The following TRUB1 variants were observed in gnomAD, a reference collection of about 807,000 sequenced individuals.
TRUB1 encodes TruB pseudouridine synthase family member 1, also known as pseudouridylate synthase TRUB1.
In TRUB1, 23 loss-of-function variants were observed where a neutral mutation model predicts 33.9. The ratio of observed to expected loss-of-function variants is 0.68; its 90% CI spans 0.49 to 0.96. The LOEUF (loss-of-function observed/expected upper bound fraction) is 0.96, where lower values mean the gene tolerates loss of function less well. TRUB1 is among the 40% of genes least tolerant of loss of function. The probability of loss-of-function intolerance (pLI) is 0.00; values close to 1 mark genes in which losing one functional copy is unlikely to be tolerated. For synonymous variants in TRUB1, 163 were observed against 165.4 expected (o/e 0.99, Z 0.11); for missense variants, 378 against 422.2 (o/e 0.90, Z 0.92).
At chr10:114,940,320 C>T (rs2084180723) in intron 1 of TRUB1, among the ~76,000 whole-genome samples, 1 of 152,026 alleles carries the variant, frequency 6.6e-6, no homozygotes, top group African/African-American at 2.4e-5. Flanking sequence ...GGGGTTTCTC[C>T]ATGTTGGTCA....
chr10:114,970,501 C>A, intron 5 of TRUB1, 61 bp downstream of exon 5: 1 of 1,257,378 alleles, frequency 8.0e-7, no homozygotes, highest in Non-Finnish European at 1.2e-6. Context: ...GTTAACATCA[C>A]TCTAGTTAAA....
chr10:114,956,368 A>C (rs982116325), intron 3 of TRUB1, among the ~76,000 whole-genome samples: 1 of 152,198 alleles, frequency 6.6e-6, no homozygotes, highest in African/African-American at 2.4e-5. Context: ...AGTGAAAAGA[A>C]ATATTTTAGA....
chr10:114,956,071 T>C (rs1188312064), intron 3 of TRUB1, among the ~76,000 whole-genome samples: 1 of 152,226 alleles, frequency 6.6e-6, no homozygotes, highest in Non-Finnish European at 1.5e-5. Flanking sequence ...AACATTTTTC[T>C]TTCTCCTAAA....
intron 5 of TRUB1, among the ~76,000 whole-genome samples, chr10:114,971,346 CTT>C (rs929309664): frequency 6.6e-6 from 1 of 151,948 alleles, no homozygotes; most frequent in African/African-American, 2.4e-5. Context: ...CAAATTGCCT[CTT>C]TTGAAAAAAA....
chr10:114,959,492 A>G (rs1489271391), intron 3 of TRUB1, among the ~76,000 whole-genome samples: 2 of 152,220 alleles, frequency 1.3e-5, no homozygotes, highest in African/African-American at 4.8e-5. Flanking sequence ...ATAATTATCA[A>G]TAAAATCAGG....
chr10:114,943,444 C>T (rs2084197971), intron 2 of TRUB1, among the ~76,000 whole-genome samples: 1 of 152,176 alleles, frequency 6.6e-6, no homozygotes, highest in South Asian at 2.1e-4. Flanking sequence ...GCAGAAGAAT[C>T]ACTTGAACCT....
rs17092618 is a variant in TRUB1 at position 114,938,201 on chromosome 10, G to C, written c.-53G>C. On this transcript the variant is annotated 5_prime_UTR_variant, in exon 1 of 8. Coordinates refer to ENST00000298746, the MANE Select transcript of TRUB1 (RefSeq NM_139169.5). ...AGAGGGTCCTGTCAGGCGCACTCTT[G>C]TTGCATCATCAGCGTGCACCTCCAC... is the stretch of plus-strand genomic sequence containing the variant. 98,197 of 1,592,708 alleles carry C rather than the reference G, an allele frequency of 0.062. 10,202 individuals carry two copies. The highest frequency in any genetic ancestry group is 0.48 in the African/African-American group (35,099 of 73,866).
intron 4 of TRUB1, among the ~76,000 whole-genome samples, chr10:114,968,795 T>C (rs932116037): frequency 2.0e-5 from 3 of 152,254 alleles, no homozygotes; most frequent in Non-Finnish European, 4.4e-5. Flanking sequence ...TATTAAAATC[T>C]GGACATAGTA....
intron 2 of TRUB1, among the ~76,000 whole-genome samples, chr10:114,949,035 T>C (rs967013104): frequency 9.9e-5 from 15 of 152,258 alleles, no homozygotes; most frequent in African/African-American, 3.4e-4. Context: ...TTTGCCCTGC[T>C]TTGGCAGCGG....
chr10:114,940,733 G>A (rs2084182847), intron 1 of TRUB1, among the ~76,000 whole-genome samples: 1 of 152,188 alleles, frequency 6.6e-6, no homozygotes, highest in African/African-American at 2.4e-5. Context: ...GTATATTTAT[G>A]GGGCCTTCTT....
intron 3 of TRUB1, among the ~76,000 whole-genome samples, chr10:114,955,780 G>GTATA (rs1441068065): frequency 3.3e-5 from 5 of 152,090 alleles, no homozygotes; most frequent in Admixed American, 1.3e-4. Flanking sequence ...AGTCCAGTTT[G>GTATA]TACCTTTTCT....
At chr10:114,955,823 A>G (rs2084259441) in intron 3 of TRUB1, among the ~76,000 whole-genome samples, 1 of 152,188 alleles carries the variant, frequency 6.6e-6, no homozygotes, top group African/African-American at 2.4e-5. Context: ...TATTTCATAA[A>G]TACTGTATTG....
intron 2 of TRUB1, among the ~76,000 whole-genome samples, chr10:114,947,812 T>A (rs896756071): frequency 2.0e-5 from 3 of 152,226 alleles, no homozygotes; most frequent in Non-Finnish European, 4.4e-5. Flanking sequence ...CAGAACTGAT[T>A]TTGTGAGAGA....
intron 3 of TRUB1, 43 bp downstream of exon 3, chr10:114,951,192 A>G (rs747345448): frequency 2.8e-5 from 41 of 1,472,982 alleles, no homozygotes; most frequent in Non-Finnish European, 3.6e-5. Flanking sequence ...AATGTTCTTA[A>G]TGATCTACAT....
chr10:114,939,408 T>C (rs764149267), intron 1 of TRUB1, among the ~76,000 whole-genome samples: 3 of 152,176 alleles, frequency 2.0e-5, no homozygotes, highest in Admixed American at 6.5e-5. Flanking sequence ...TTCTGCACCT[T>C]GTGGTGGTAA....
intron 3 of TRUB1, among the ~76,000 whole-genome samples, chr10:114,959,133 TCAAA>T (rs541284032): frequency 8.5e-5 from 13 of 152,256 alleles, no homozygotes; most frequent in Non-Finnish European, 1.3e-4. Context: ...AAACTCCATC[TCAAA>T]CAAACAAACA....
Position 114,959,742 on chromosome 10 carries a change from G to A in TRUB1, c.458G>A (p.Gly153Glu), listed in dbSNP as rs960408212. Reference protein sequence around the residue: ...LSGSKRYTAIGELGKATDTLD... With the variant: ...LSGSKRYTAIEELGKATDTLD... ...TTCCTCTAGAGATATACTGCCATTG[G>A]AGAACTGGGGAAAGCTACTGATACA... The change falls in exon 4 of 8, where the codon GGA becomes GAA. Residue 153 changes from glycine to glutamate, a missense_variant. Gly to Glu is a moderately conservative substitution (Grantham distance 98, BLOSUM62 -2). Transcript: ENST00000298746. The A allele has an allele frequency of 1.1e-5, 18 of 1,608,860 alleles. No homozygotes were observed. Among genetic ancestry groups the A allele is most frequent in the Non-Finnish European group, 1.4e-5 (17 of 1,175,558 alleles).
At chr10:114,970,072 A>C (rs2084328517) in intron 4 of TRUB1, among the ~76,000 whole-genome samples, 1 of 152,186 alleles carries the variant, frequency 6.6e-6, no homozygotes, top group South Asian at 2.1e-4. Flanking sequence ...GATCTTCTTA[A>C]GGCCATAGTC....
At position 114,975,563 on chromosome 10, in the gene TRUB1, C is replaced by T; in HGVS notation, c.*184C>T. The stretch of plus-strand genomic sequence containing the variant: ...TTTCTATGCATTATAAATGGCCTTG[C>T]AGTTGGCTCAGTTGTTTGTTGTGTT... On this transcript the variant is annotated 3_prime_UTR_variant, in exon 8 of 8. Coordinates refer to ENST00000298746, the MANE Select transcript of TRUB1 (RefSeq NM_139169.5). 1 of 490,518 alleles carries T rather than the reference C, an allele frequency of 2.0e-6. No homozygotes were observed. Among genetic ancestry groups the T allele is most frequent in the South Asian group, 4.8e-5 (1 of 20,828 alleles). 30.4% of individuals were successfully genotyped at this position (490,518 alleles called of 1,614,324 possible).
Sources: allele counts gnomAD v4.1 joint callset (sites outside exome capture counted in the v4.1 genomes callset), GRCh38; gene constraint gnomAD v4.1.1; transcripts MANE v1.5; gene names NCBI Gene and HGNC (gene_info 2026-07-23, HGNC 2026-07-21).